The following RPL30 variants were observed in gnomAD, a reference collection of about 807,000 sequenced individuals.
The protein encoded by RPL30 is large ribosomal subunit protein eL30.
For missense variants in RPL30, 60 were observed against 138.0 expected, an observed-to-expected ratio of 0.43 and a Z score of 2.83; for synonymous variants, 40 against 50.4, an observed-to-expected ratio of 0.79 and a Z score of 0.87.
rs551163149 is a variant in RPL30, at chr8:98,045,330, T to G, written c.21+17A>C. 1.4e-5 allele frequency: 22 copies of G among 1,614,150 alleles called. No homozygotes were observed. The Admixed American group carries it at 3.7e-4, about 27-fold the overall frequency. ...CTCCACGTGAATCGTCTTCCGGGCC[T>G]GGCCCGCCTCACTCACCGTCTTCTT... On this transcript the variant is annotated intron_variant, in intron 2 of 4. Coordinates refer to ENST00000287038, the MANE Select transcript of RPL30 (RefSeq NM_000989.4).
chr8:98,042,608 C>CAAAAAA (rs3073528), intron 4 of RPL30, 37 bp downstream of exon 4: 219 of 1,458,212 alleles, frequency 1.5e-4, no homozygotes, highest in Non-Finnish European at 1.6e-4. Context: ...ATTAGAAAGG[C>CAAAAAA]AAAAAAAAAA....
intron 4 of RPL30, 37 bp downstream of exon 4, chr8:98,042,608 C>CAA (rs3073528): frequency 0.032 from 45,167 of 1,413,972 alleles, 276 homozygotes; most frequent in African/African-American, 0.084. Context: ...ATTAGAAAGG[C>CAA]AAAAAAAAAA....
In RPL30 at chr8:98,042,755, T is replaced by C. The variant is rs756455883; in HGVS notation, c.188A>G (p.Tyr63Cys). The C allele has an allele frequency of 1.8e-5, 29 of 1,573,730 alleles. 2 individuals carry two copies. The South Asian group carries it at 2.6e-4, about 14-fold the overall frequency. The change falls in exon 4 of 5, where the codon TAT (tyrosine) becomes TGT (cysteine). Residue 63 changes from tyrosine to cysteine, a missense_variant. Tyr to Cys is a radical substitution (Grantham distance 194). Transcript: ENST00000287038. ...GACACCAGTTTTAGCCAACATAGCATAGTACTCTATTTCAGATTTCCTTTG... is the reference window on the plus strand; with the variant it reads ...GACACCAGTTTTAGCCAACATAGCACAGTACTCTATTTCAGATTTCCTTTG... ...PALRKSEIEY[Y>C]AMLAKTGVHH...
At chr8:98,042,608 CAAAA>C (rs3073528) in intron 4 of RPL30, 33 bp downstream of exon 4, 10 of 1,457,248 alleles carry the variant, frequency 6.9e-6, no homozygotes, top group Non-Finnish European at 9.3e-6. Context: ...ATTAGAAAGG[CAAAA>C]AAAAAAAAGA....
chr8:98,041,899 C>T (rs768960745), intron 4 of RPL30, 49 bp from the exon 5 acceptor site: 4 of 1,257,780 alleles, frequency 3.2e-6, no homozygotes, highest in Non-Finnish European at 4.5e-6. Flanking sequence ...CATTTAATAG[C>T]AACTGGTACC....
Position 98,042,757 on chromosome 8 carries a change from G to A in RPL30, c.186C>T (p.Tyr62=). 6.4e-7 allele frequency: 1 copy of A among 1,572,422 alleles called. No individual in the cohort carries two copies. Among genetic ancestry groups the A allele is most frequent in the African/African-American group, 1.4e-5 (1 of 72,166 alleles). ...CPALRKSEIE[Y]YAMLAKTGVH... ...CACCAGTTTTAGCCAACATAGCATA[G>A]TACTCTATTTCAGATTTCCTTTGGG... The change falls in exon 4 of 5, where the codon TAC becomes TAT. Residue 62 remains tyrosine, a synonymous_variant. Coordinates refer to ENST00000287038, the MANE Select transcript of RPL30 (RefSeq NM_000989.4).
chr8:98,045,484 C>T, intron 1 of RPL30, 24 bp downstream of exon 1: 3 of 1,283,348 alleles, frequency 2.3e-6, no homozygotes, highest in Admixed American at 1.8e-5. Flanking sequence ...CTGCCTAAAC[C>T]TCGGTCGGTA....
At position 98,041,865 on chromosome 8, in the gene RPL30, T is replaced by TA. The variant is rs746592489; in HGVS notation, c.299-16dup. ...GTCAGAGTCACCTAAAAAATAAAAA[T>TA]AAAAAAACAGTAATTTTACAATTCA... On this transcript the variant is annotated splice_polypyrimidine_tract_variant and intron_variant, in intron 4 of 4. Transcript: ENST00000287038. 1.8e-5 allele frequency: 28 copies of TA among 1,558,782 alleles called. No homozygotes were observed. Among genetic ancestry groups the TA allele is most frequent in the African/African-American group, 1.4e-4 (10 of 73,260 alleles).
intron 3 of RPL30, 70 bp from the exon 4 acceptor site, chr8:98,042,845 T>A (rs1814404261): frequency 1.4e-6 from 2 of 1,406,716 alleles, no homozygotes; most frequent in East Asian, 2.4e-5. Context: ...TGTTACTACT[T>A]CTTTTACTAG....
chr8:98,041,983 G>C, intron 4 of RPL30, 133 bp from the exon 5 acceptor site: 4 of 726,712 alleles, frequency 5.5e-6, no homozygotes, highest in Admixed American at 2.1e-5. Flanking sequence ...TTTTGCAAAA[G>C]TTATCACATT....
At chr8:98,045,420 G>C in intron 1 of RPL30, 21 bp from the exon 2 acceptor site, 1 of 1,611,052 alleles carries the variant, frequency 6.2e-7, no homozygotes, top group Non-Finnish European at 8.5e-7. Context: ...CAGAGAACAG[G>C]ACAGGAATTT....
At chr8:98,042,948 A>G in intron 3 of RPL30, 173 bp from the exon 4 acceptor site, 1 of 556,596 alleles carries the variant, frequency 1.8e-6, no homozygotes, top group Non-Finnish European at 3.0e-6. Flanking sequence ...CAACATTTGT[A>G]TGTATCCCTT....
In RPL30 at chr8:98,042,703, T is replaced by G. The variant is rs1245976438; in HGVS notation, c.240A>C (p.Glu80Asp). 6.2e-7 allele frequency: 1 copy of G among 1,611,654 alleles called. No homozygotes were observed. The highest frequency in any genetic ancestry group is 8.5e-7 in the Non-Finnish European group (1 of 1,179,246). Residue 80 changes from glutamate (E) to aspartate (D), a missense_variant, in exon 4 of 5, where the codon GAA (glutamate) becomes GAC (aspartate). Transcript: ENST00000287038. The part of the protein sequence containing the change: ...GVHHYSGNNI[E>D]LGTACGKYYR... ...AGTATTTTCCGCATGCTGTGCCCAG[T>G]TCAATATTATTGCCACTGTAGTGAT... is the stretch of plus-strand genomic sequence containing the variant.
intron 2 of RPL30, 60 bp from the exon 3 acceptor site, chr8:98,045,148 G>C: frequency 6.3e-7 from 1 of 1,583,714 alleles, no homozygotes; most frequent in Non-Finnish European, 8.6e-7. Context: ...CTCAAAACCG[G>C]ACCCAGCTTT....
At chr8:98,044,557 T>C (rs931385215) in intron 3 of RPL30, 2 of 179,426 alleles carry the variant, frequency 1.1e-5, no homozygotes, top group Non-Finnish European at 1.2e-5. Context: ...AGCCTCAACT[T>C]TTCTTACCTA....
intron 3 of RPL30, 192 bp downstream of exon 3, chr8:98,044,751 C>T: frequency 1.7e-6 from 1 of 575,790 alleles, no homozygotes; most frequent in Non-Finnish European, 3.0e-6. Context: ...CAAAAATAAG[C>T]TCACAGAAGG....
rs1197977992 is a variant in RPL30, at chr8:98,045,519, G to T, written c.-44C>A. ...AGGAGCCCACTCACCAACAGCAGCC[G>T]CTAAGATGGCCGGGGAACGAGAAAG... On this transcript the variant is annotated 5_prime_UTR_variant, in exon 1 of 5. Transcript: ENST00000287038. 1.4e-6 allele frequency: 1 copy of T among 714,308 alleles called. No homozygotes were observed. Among genetic ancestry groups the T allele is most frequent in the Non-Finnish European group, 2.4e-6 (1 of 413,478 alleles). The allele number at this position is 714,308 out of a possible 1,614,324, so 44.2% of individuals were successfully genotyped here. A position where few individuals can be genotyped will look rare whatever the true frequency, so the allele number is the denominator to read the frequency against.
At position 98,041,819 on chromosome 8, in the gene RPL30, T is replaced by C; in HGVS notation, c.330A>G (p.Glu110=). Residue 110 remains glutamate, a synonymous_variant, in exon 5 of 5, where the codon GAA becomes GAG. Coordinates refer to ENST00000287038, the MANE Select transcript of RPL30 (RefSeq NM_000989.4). Reference sequence around the variant, plus strand: ...AAAAGGTTTACTTTTCACCAGTCTGTTCTGGCATGCTTCTAATGATGTCAG... The same window carrying C: ...AAAAGGTTTACTTTTCACCAGTCTGCTCTGGCATGCTTCTAATGATGTCAG... ...GDSDIIRSMP[E]QTGEK 1.2e-6 allele frequency: 2 copies of C among 1,606,322 alleles called. No homozygotes were observed. Among genetic ancestry groups the C allele is most frequent in the Non-Finnish European group, 1.7e-6 (2 of 1,176,608 alleles).
At chr8:98,042,347 G>A (rs1301346563) in intron 4 of RPL30, 5 of 427,528 alleles carry the variant, frequency 1.2e-5, no homozygotes, top group Non-Finnish European at 2.2e-5. Flanking sequence ...TGTTTTGCCA[G>A]ATTATTCTCT....
Sources: gnomAD v4.1 joint callset for allele counts on GRCh38, gnomAD v4.1.1 for gene constraint, MANE v1.5 for transcripts, NCBI Gene and HGNC (gene_info 2026-07-23, HGNC 2026-07-21) for gene names.